The following SMYD3 variants were observed in gnomAD, a reference collection of about 807,000 sequenced individuals.
SMYD3 encodes the protein histone-lysine N-methyltransferase SMYD3.
A neutral mutation model predicts 57.7 loss-of-function variants in SMYD3; 36 were observed. The ratio of observed to expected loss-of-function variants is 0.62; its 90% CI spans 0.48 to 0.82. The LOEUF (loss-of-function observed/expected upper bound fraction) is 0.82. Among genes scored for constraint, SMYD3 ranks in the 40% least tolerant of loss-of-function variants. The pLI is 0.00. For synonymous variants in SMYD3, 211 were observed against 195.0 expected, an observed-to-expected ratio of 1.08 and a Z score of -0.68; for missense variants, 515 against 538.8, an observed-to-expected ratio of 0.96 and a Z score of 0.44.
intron 5 of SMYD3, among the ~76,000 whole-genome samples, chr1:246,273,312 G>A (rs2064264432): frequency 6.6e-6 from 1 of 151,142 alleles, no homozygotes; most frequent in Non-Finnish European, 1.5e-5. Context: ...ACCGTGCCCA[G>A]CTAATTTTTG....
chr1:246,075,238 A>C (rs952856503), intron 5 of SMYD3, among the ~76,000 whole-genome samples: 5 of 152,216 alleles, frequency 3.3e-5, no homozygotes, highest in Admixed American at 3.3e-4. Flanking sequence ...GATATGAATA[A>C]AATGTGAAAT....
At position 245,793,084 on chromosome 1, in the gene SMYD3, G is replaced by GCA. The variant is rs201171768; in HGVS notation, c.1077-28936_1077-28935insTG. On this transcript the variant is annotated intron_variant, in intron 10 of 11. Transcript: ENST00000490107. ...CCAGCACTTTGGGAGGCCGAGGCGG[G>GCA]TGATCACGAAATCAGGAGATCAAGA... is the stretch of plus-strand genomic sequence containing the variant. Among the ~76,000 whole-genome samples, 17 of 146,564 alleles carry GCA rather than the reference G, an allele frequency of 1.2e-4. No homozygotes were observed. In the South Asian group the frequency reaches 1.8e-3, roughly 15 times the overall value.
intron 5 of SMYD3, among the ~76,000 whole-genome samples, chr1:246,165,457 T>C (rs985158060): frequency 6.6e-6 from 1 of 152,030 alleles, no homozygotes; most frequent in African/African-American, 2.4e-5. Flanking sequence ...GTCCATCAAA[T>C]AATAAAAGAG....
chr1:246,340,657 G>T (rs959816689), intron 2 of SMYD3, among the ~76,000 whole-genome samples: 1 of 152,066 alleles, frequency 6.6e-6, no homozygotes, highest in Non-Finnish European at 1.5e-5. Context: ...TGGGTATTTG[G>T]TAATGAATAT....
intron 9 of SMYD3, among the ~76,000 whole-genome samples, chr1:245,861,159 G>T (rs779522240): frequency 6.6e-6 from 1 of 152,156 alleles, no homozygotes; most frequent in Non-Finnish European, 1.5e-5. Flanking sequence ...GCCAAAAAAT[G>T]GAATAATTTT....
intron 10 of SMYD3, among the ~76,000 whole-genome samples, chr1:245,811,591 C>A (rs1309052936): frequency 6.6e-6 from 1 of 152,130 alleles, no homozygotes; most frequent in Non-Finnish European, 1.5e-5. Context: ...CCGTTCTTGT[C>A]ATTTTGCCTT....
chr1:246,362,163 T>C (rs774174050), intron 1 of SMYD3, among the ~76,000 whole-genome samples: 2 of 152,186 alleles, frequency 1.3e-5, no homozygotes, highest in Non-Finnish European at 2.9e-5. Context: ...TACTGATCTC[T>C]CCATATCAAA....
At chr1:245,926,354 C>T (rs185479282) in intron 7 of SMYD3, among the ~76,000 whole-genome samples, 1 of 152,198 alleles carries the variant, frequency 6.6e-6, no homozygotes, top group South Asian at 2.1e-4. Flanking sequence ...TCAGCAAGAC[C>T]TACAAAATGG....
chr1:246,420,138 G>T (rs913987676), intron 1 of SMYD3, among the ~76,000 whole-genome samples: 5 of 151,912 alleles, frequency 3.3e-5, no homozygotes, highest in African/African-American at 7.3e-5. Flanking sequence ...GGTGGAGGTT[G>T]CAGTGAGCTG....
intron 5 of SMYD3, among the ~76,000 whole-genome samples, chr1:245,977,932 T>C (rs2058492929): frequency 1.3e-5 from 2 of 152,170 alleles, no homozygotes; most frequent in African/African-American, 4.8e-5. Context: ...GAGATATTAA[T>C]ATTATTCCCA....
At chr1:246,123,082 C>T (rs1208047554) in intron 5 of SMYD3, among the ~76,000 whole-genome samples, 1 of 152,150 alleles carries the variant, frequency 6.6e-6, no homozygotes, top group African/African-American at 2.4e-5. Flanking sequence ...TCCTCTTTTA[C>T]CCTGTTCTCT....
chr1:245,759,005 A>T (rs574198018), intron 11 of SMYD3, among the ~76,000 whole-genome samples: 1 of 152,338 alleles, frequency 6.6e-6, no homozygotes, highest in South Asian at 2.1e-4. Context: ...TGTTACTGCC[A>T]GGCGGGAGTA....
At position 246,210,578 on chromosome 1, in the gene SMYD3, C is replaced by T. The variant is rs755413653; in HGVS notation, c.531+116623G>A. ...TGCAAAAATTAGCTGGGCGTGGTTG[C>T]GGGCACCTGTAATCTCAGCTACTCA... is the stretch of plus-strand genomic sequence containing the variant. On this transcript the variant is annotated intron_variant, in intron 5 of 11. Transcript: ENST00000490107. 4.6e-5 allele frequency among the ~76,000 whole-genome samples: 7 copies of T among 151,866 alleles called. No homozygotes were observed. In the South Asian group the frequency reaches 8.3e-4, roughly 18 times the overall value.
At chr1:246,125,077 A>ACACACACACACACAC (rs1553295580) in intron 5 of SMYD3, among the ~76,000 whole-genome samples, 261 of 104,308 alleles carry the variant, frequency 2.5e-3, no homozygotes, top group Admixed American at 6.5e-3. Context: ...GTCTCAAAAA[A>ACACACACACACACAC]AAAAAAAAAA....
chr1:246,464,669 G>C (rs1055024000), intron 1 of SMYD3, among the ~76,000 whole-genome samples: 2 of 152,220 alleles, frequency 1.3e-5, no homozygotes, highest in African/African-American at 4.8e-5. Flanking sequence ...GTAGGACAGT[G>C]GTTGAGGAAA....
intron 1 of SMYD3, among the ~76,000 whole-genome samples, chr1:246,473,619 C>G (rs2067989428): frequency 6.6e-6 from 1 of 152,208 alleles, no homozygotes; most frequent in Non-Finnish European, 1.5e-5. Flanking sequence ...CCATAGCAGA[C>G]AGACAACTAC....
At chr1:246,158,577 A>G (rs1451849001) in intron 5 of SMYD3, among the ~76,000 whole-genome samples, 3 of 152,204 alleles carry the variant, frequency 2.0e-5, no homozygotes, top group Non-Finnish European at 2.9e-5. Context: ...CTTTTTTATA[A>G]AACTATTGAT....
At chr1:246,067,340 T>C (rs1292466245) in intron 5 of SMYD3, among the ~76,000 whole-genome samples, 1 of 152,210 alleles carries the variant, frequency 6.6e-6, no homozygotes, top group Admixed American at 6.5e-5. Flanking sequence ...AACTATCTAA[T>C]GGGCAAGTAA....
At chr1:245,790,008 G>A (rs10924336) in intron 10 of SMYD3, among the ~76,000 whole-genome samples, 4,559 of 152,276 alleles carry the variant, frequency 0.03, 233 homozygotes, top group African/African-American at 0.1. Flanking sequence ...GATAAGCTGG[G>A]AAATAAGGGA....
Sources: gnomAD v4.1 joint callset for allele counts (sites outside exome capture counted in the v4.1 genomes callset) on GRCh38, gnomAD v4.1.1 for gene constraint, MANE v1.5 for transcripts, NCBI Gene and HGNC (gene_info 2026-07-23, HGNC 2026-07-21) for gene names.